The following OTUD7A variants were observed in gnomAD, a reference collection of about 807,000 sequenced individuals.
OTUD7A encodes OTU deubiquitinase 7A.
OTUD7A carries 12 observed loss-of-function variants against 65.7 expected under a neutral mutation model. That is an observed-to-expected ratio of 0.18 (90% CI 0.12 to 0.30). The LOEUF (loss-of-function observed/expected upper bound fraction) is 0.30, where lower values mean the gene tolerates loss of function less well. Ranked by LOEUF, OTUD7A falls within the 10% of genes least tolerant of loss-of-function variation. The pLI is 1.00. For synonymous variants in OTUD7A, 641 were observed against 586.3 expected (o/e 1.09, Z -1.35); for missense variants, 1,148 against 1,304.8 (o/e 0.88, Z 1.85).
intron 1 of OTUD7A, among the ~76,000 whole-genome samples, chr15:31,746,452 A>T (rs775972712): frequency 1.1e-4 from 16 of 152,160 alleles, no homozygotes; most frequent in Non-Finnish European, 2.2e-4. Context: ...CCATATGGGT[A>T]AATCTCATAG....
intron 1 of OTUD7A, among the ~76,000 whole-genome samples, chr15:31,809,281 G>C (rs1302838281): frequency 6.6e-6 from 1 of 152,198 alleles, no homozygotes; most frequent in Non-Finnish European, 1.5e-5. Context: ...AGGAAGTAAA[G>C]TGTATCCTGG....
chr15:31,816,180 C>CT (rs150637098), intron 1 of OTUD7A, among the ~76,000 whole-genome samples: 3,439 of 152,294 alleles, frequency 0.023, 133 homozygotes, highest in African/African-American at 0.079. Flanking sequence ...CCCTGGAATG[C>CT]TTTTCATCCA....
Position 31,703,307 on chromosome 15 carries a change from C to T in OTUD7A, c.-99-46230G>A, listed in dbSNP as rs2625822. On this transcript the variant is annotated intron_variant, in intron 1 of 12. Coordinates refer to ENST00000307050, the MANE Select transcript of OTUD7A (RefSeq NM_001382637.1). ...AGAGAGTAAAAAGACCAGCTACTGA[C>T]TGGGAGAAAATATTTGCAAACCATG... 1.3e-3 allele frequency among the ~76,000 whole-genome samples: 187 copies of T among 149,354 alleles called. 5 individuals are homozygous for T. Among genetic ancestry groups the T allele is most frequent in the African/African-American group, 4.3e-3 (175 of 40,246 alleles).
rs2041161696 is a variant in OTUD7A at position 31,483,268 on chromosome 15, T to G, written c.*26A>C. On this transcript the variant is annotated 3_prime_UTR_variant, in exon 13 of 13. Transcript: ENST00000307050. The stretch of plus-strand genomic sequence containing the variant: ...AAAAGAAATCCTCGAAGGTAGAACC[T>G]CGCCGCCCGCGCCGCGCCGCGCCGC... 4 of 1,078,072 alleles carry G rather than the reference T, an allele frequency of 3.7e-6. No homozygotes were observed. The highest frequency in any genetic ancestry group is 2.2e-6 in the Non-Finnish European group (2 of 891,886). 66.8% of individuals were successfully genotyped at this position (1,078,072 alleles called of 1,614,324 possible). A position where few individuals can be genotyped will look rare whatever the true frequency, so the allele number is the denominator to read the frequency against.
At chr15:31,586,778 C>T (rs1016803340) in intron 3 of OTUD7A, among the ~76,000 whole-genome samples, 18 of 152,272 alleles carry the variant, frequency 1.2e-4, no homozygotes, top group African/African-American at 4.3e-4. Flanking sequence ...GCTAGCCACT[C>T]CCTTAGCCAT....
At chr15:31,604,385 G>A (rs1015930989) in intron 3 of OTUD7A, among the ~76,000 whole-genome samples, 1 of 151,926 alleles carries the variant, frequency 6.6e-6, no homozygotes, top group African/African-American at 2.4e-5. Context: ...ATAAGTGGGA[G>A]TTGAACAATG....
chr15:31,546,135 T>C (rs1389209841), intron 5 of OTUD7A, among the ~76,000 whole-genome samples: 1 of 152,192 alleles, frequency 6.6e-6, no homozygotes, highest in Admixed American at 6.5e-5. Context: ...TACAAGGAAC[T>C]CGAACATCTG....
intron 3 of OTUD7A, among the ~76,000 whole-genome samples, chr15:31,621,104 T>C (rs1890765626): frequency 6.6e-6 from 1 of 151,612 alleles, no homozygotes; most frequent in African/African-American, 2.4e-5. Context: ...TCCTGAGTAC[T>C]AGTTTGATTG....
intron 1 of OTUD7A, among the ~76,000 whole-genome samples, chr15:31,685,813 C>T (rs1263501713): frequency 6.6e-6 from 1 of 152,224 alleles, no homozygotes; most frequent in Non-Finnish European, 1.5e-5. Context: ...TAAACCAGAA[C>T]CAAGATGGAC....
At position 31,784,095 on chromosome 15, in the gene OTUD7A, C is replaced by G. The variant is rs370596044; in HGVS notation, c.-100+86412G>C. Among the ~76,000 whole-genome samples the G allele has an allele frequency of 4.6e-5, 7 of 152,114 alleles. No homozygotes were observed. In the East Asian group the frequency reaches 7.7e-4, roughly 17 times the overall value. On this transcript the variant is annotated intron_variant, in intron 1 of 12. Transcript: ENST00000307050. The stretch of plus-strand genomic sequence containing the variant: ...ACTCAATGGACCACTATTTTCCAAG[C>G]GATCAGTGTATCATGTTACAGATCA...
Position 31,816,740 on chromosome 15 carries a change from C to T in OTUD7A, c.-100+53767G>A, listed in dbSNP as rs563454911. Among the ~76,000 whole-genome samples, 7 of 151,968 alleles carry T rather than the reference C, an allele frequency of 4.6e-5. No individual in the cohort carries two copies. In the South Asian group the frequency reaches 8.3e-4, roughly 18 times the overall value. Reference sequence around the variant, plus strand: ...TAAACATACACTGAGACATTTACTACTTAAAAGAATCCTAGGGTAAATCCT... The same window carrying T: ...TAAACATACACTGAGACATTTACTATTTAAAAGAATCCTAGGGTAAATCCT... On this transcript the variant is annotated intron_variant, in intron 1 of 12. Transcript: ENST00000307050.
Position 31,483,897 on chromosome 15 carries a change from G to C in OTUD7A, c.2199C>G (p.Ser733Arg), listed in dbSNP as rs1202782686. ...QLVLKLKERP[S>R]PGPAAGRAAR... ...CCGCACGCCCTGCCGCGGGCCCGGG[G>C]CTCGGCCGCTCCTTGAGCTTGAGCA... The change falls in exon 13 of 13, where the codon AGC (serine) becomes AGG (arginine). Residue 733 changes from serine (S) to arginine (R), a missense_variant. Physicochemically the swap from Ser to Arg is moderately radical, Grantham distance 110 (BLOSUM62 -1). This residue lies in a region of OTUD7A where 842 missense variants were observed against 769.5 expected (regional missense o/e 1.09). Coordinates refer to ENST00000307050, the MANE Select transcript of OTUD7A (RefSeq NM_001382637.1). 7 of 1,011,640 alleles carry C rather than the reference G, an allele frequency of 6.9e-6. No individual in the cohort carries two copies. The highest frequency in any genetic ancestry group is 4.2e-5 in the South Asian group (1 of 24,052). 62.7% of individuals were successfully genotyped at this position (1,011,640 alleles called of 1,614,324 possible).
intron 1 of OTUD7A, among the ~76,000 whole-genome samples, chr15:31,863,105 G>C (rs1180373099): frequency 6.6e-6 from 1 of 152,206 alleles, no homozygotes; most frequent in African/African-American, 2.4e-5. Context: ...CTCACATCCA[G>C]GTCACGCTGA....
chr15:31,642,451 G>A (rs893907975), intron 3 of OTUD7A, among the ~76,000 whole-genome samples: 2 of 152,178 alleles, frequency 1.3e-5, no homozygotes, highest in Admixed American at 1.3e-4. Context: ...CAATTTCCTG[G>A]AAGAGCTGGT....
At chr15:31,619,260 T>A (rs966318756) in intron 3 of OTUD7A, among the ~76,000 whole-genome samples, 2 of 152,200 alleles carry the variant, frequency 1.3e-5, no homozygotes, top group Non-Finnish European at 2.9e-5. Context: ...CAATGCGGGC[T>A]CTTTTTTGGT....
At chr15:31,605,938 T>C (rs1473850509) in intron 3 of OTUD7A, among the ~76,000 whole-genome samples, 1 of 152,200 alleles carries the variant, frequency 6.6e-6, no homozygotes, top group East Asian at 1.9e-4. Flanking sequence ...CTGGAGCCTG[T>C]GGGGAAACCA....
chr15:31,484,092 C>T lies in OTUD7A; in HGVS notation c.2004G>A (p.Ala668=). ...CCTGCTCGGCGCTGAAGCGCTCCTG[C>T]GCGCTCGTCAGGTAGTAGCCGATCA... ...EEMIGYYLTS[A]QERFSAEQEQ... The change falls in exon 13 of 13, where the codon GCG becomes GCA. Residue 668 remains alanine (A), a synonymous_variant. Coordinates refer to ENST00000307050, the MANE Select transcript of OTUD7A (RefSeq NM_001382637.1). This position sits in a 1 kb window ranked among gnomAD's most constrained non-coding sequence, Gnocchi z 4.5. The T allele has an allele frequency of 2.5e-6, 4 of 1,600,246 alleles. No individual in the cohort carries two copies. Among genetic ancestry groups the T allele is most frequent in the Non-Finnish European group, 3.4e-6 (4 of 1,178,400 alleles).
At chr15:31,645,672 T>C (rs913199639) in intron 3 of OTUD7A, among the ~76,000 whole-genome samples, 5 of 152,266 alleles carry the variant, frequency 3.3e-5, no homozygotes, top group African/African-American at 7.2e-5. Flanking sequence ...GATTGTCTTA[T>C]AATTTTTCTT....
chr15:31,837,372 CAAAAAAAAAAAA>C (rs57479397), intron 1 of OTUD7A, among the ~76,000 whole-genome samples: 2 of 120,320 alleles, frequency 1.7e-5, no homozygotes, highest in African/African-American at 3.2e-5. Flanking sequence ...ACTAAAAATA[CAAAAAAAAAAAA>C]AAAAAAAAAA....
Sources: gnomAD v4.1 joint callset for allele counts (sites outside exome capture counted in the v4.1 genomes callset) on GRCh38, gnomAD v4.1.1 for gene constraint, gnomAD v4.1.1 regional missense constraint, Gnocchi (gnomAD v3.1) non-coding constraint, MANE v1.5 for transcripts, NCBI Gene and HGNC (gene_info 2026-07-23, HGNC 2026-07-21) for gene names.